The following ST6GALNAC5 variants were observed in gnomAD, a reference collection of about 807,000 sequenced individuals.
The protein encoded by ST6GALNAC5 is alpha-N-acetylgalactosaminide alpha-2,6-sialyltransferase 5.
A neutral mutation model predicts 33.6 loss-of-function variants in ST6GALNAC5; 27 were observed. The ratio of observed to expected loss-of-function variants is 0.80; its 90% CI spans 0.59 to 1.11. The LOEUF (loss-of-function observed/expected upper bound fraction) is 1.11. Ranked by LOEUF, ST6GALNAC5 falls within the 50% of genes least tolerant of loss-of-function variation. The pLI, the probability that ST6GALNAC5 is intolerant of heterozygous loss-of-function variation, is 0.00. For synonymous variants in ST6GALNAC5, 194 were observed against 171.2 expected (o/e 1.13, Z -1.04); for missense variants, 428 against 454.0 (o/e 0.94, Z 0.52).
chr1:76,926,717 G>A (rs902852333), intron 2 of ST6GALNAC5, among the ~76,000 whole-genome samples: 7 of 152,012 alleles, frequency 4.6e-5, no homozygotes, highest in African/African-American at 1.4e-4. Context: ...GGAATTAGTG[G>A]TTCAATTTTG....
intron 2 of ST6GALNAC5, among the ~76,000 whole-genome samples, chr1:76,982,611 T>C (rs1649302622): frequency 6.6e-6 from 1 of 152,184 alleles, no homozygotes; most frequent in Non-Finnish European, 1.5e-5. Context: ...CCAGGAGAAC[T>C]TCCCTAACCT....
intron 2 of ST6GALNAC5, among the ~76,000 whole-genome samples, chr1:76,956,859 A>G (rs2100344570): frequency 6.6e-6 from 1 of 152,264 alleles, no homozygotes; most frequent in African/African-American, 2.4e-5. Context: ...GGTGTTTAAC[A>G]TGGGGTTGGG....
intron 2 of ST6GALNAC5, among the ~76,000 whole-genome samples, chr1:76,904,995 CAG>C (rs2100271028): frequency 6.6e-6 from 1 of 152,190 alleles, no homozygotes; most frequent in Non-Finnish European, 1.5e-5. Context: ...GGGGTGTTGA[CAG>C]TGTTCTGTTT....
chr1:77,029,486 A>C (rs187164830), intron 2 of ST6GALNAC5, among the ~76,000 whole-genome samples: 33 of 152,246 alleles, frequency 2.2e-4, no homozygotes, highest in African/African-American at 7.9e-4. Flanking sequence ...AGGGAAAGAG[A>C]GTGGAGAAGA....
intron 2 of ST6GALNAC5, among the ~76,000 whole-genome samples, chr1:76,934,756 C>A (rs1197694145): frequency 1.3e-5 from 2 of 151,786 alleles, no homozygotes; most frequent in Non-Finnish European, 2.9e-5. Flanking sequence ...AAATGGGAAG[C>A]CTTTGCTAGT....
intron 2 of ST6GALNAC5, among the ~76,000 whole-genome samples, chr1:76,965,216 C>CA (rs1553168900): frequency 3.4e-4 from 13 of 38,406 alleles, no homozygotes; most frequent in Non-Finnish European, 5.2e-4. Flanking sequence ...TAGTTTACCA[C>CA]CCCCCCCACC....
chr1:76,885,192 T>G (rs1363952948), intron 2 of ST6GALNAC5, among the ~76,000 whole-genome samples: 1 of 152,196 alleles, frequency 6.6e-6, no homozygotes, highest in Non-Finnish European at 1.5e-5. Context: ...TGGAATGACT[T>G]CTCTCTGGAA....
chr1:76,868,567 T>G lies in ST6GALNAC5; in HGVS notation c.86T>G (p.Leu29Arg). ...AGCTTGTTGCTAGTGTACAGCAGCC[T>G]CGGCGGCCAGAAGGAGCGGCCCCCG... ...CTSLLLVYSS[L>R]GGQKERPPQQ... is the part of the protein sequence containing the mutation. Residue 29 changes from leucine (L) to arginine (R), a missense_variant, in exon 2 of 5, where the codon CTC (leucine) becomes CGC (arginine). Coordinates refer to ENST00000477717, the MANE Select transcript of ST6GALNAC5 (RefSeq NM_030965.3). This position sits in a 1 kb window ranked among gnomAD's most constrained non-coding sequence, Gnocchi z 4.3. The G allele has an allele frequency of 6.2e-7, 1 of 1,613,116 alleles. No homozygotes were observed. Among genetic ancestry groups the G allele is most frequent in the Non-Finnish European group, 8.5e-7 (1 of 1,179,590 alleles).
chr1:76,899,461 G>A lies in ST6GALNAC5; in HGVS notation c.261+30719G>A, dbSNP rs148193173. Among the ~76,000 whole-genome samples the A allele has an allele frequency of 8.3e-3, 1,260 of 152,152 alleles. 13 individuals are homozygous for A. Among genetic ancestry groups the A allele is most frequent in the African/African-American group, 0.029 (1,201 of 41,488 alleles). ...TAAGAGGTCGGGGCACAGAAATAAC[G>A]GATGGGGGCACAGAGACAAGAGGTT... On this transcript the variant is annotated intron_variant, in intron 2 of 4. Transcript: ENST00000477717.
chr1:77,060,507 G>A (rs1268337170), intron 4 of ST6GALNAC5, among the ~76,000 whole-genome samples: 2 of 152,194 alleles, frequency 1.3e-5, no homozygotes, highest in Non-Finnish European at 2.9e-5. Context: ...AGCTGGGGTA[G>A]ATGTTCCTGC....
intron 2 of ST6GALNAC5, among the ~76,000 whole-genome samples, chr1:76,878,652 C>G (rs1225494449): frequency 1.3e-5 from 2 of 152,152 alleles, no homozygotes; most frequent in Non-Finnish European, 2.9e-5. Context: ...ATCCAGGCTC[C>G]CCTTCATTCA....
At chr1:76,977,409 A>G (rs1649054033) in intron 2 of ST6GALNAC5, among the ~76,000 whole-genome samples, 1 of 152,174 alleles carries the variant, frequency 6.6e-6, no homozygotes, top group Non-Finnish European at 1.5e-5. Flanking sequence ...GGACACCAGA[A>G]CTATTCTTCT....
chr1:77,003,427 G>A (rs1316173091), intron 2 of ST6GALNAC5, among the ~76,000 whole-genome samples: 2 of 150,190 alleles, frequency 1.3e-5, no homozygotes, highest in Non-Finnish European at 3.0e-5. Flanking sequence ...CACACTGATG[G>A]CTCTTGACTC....
At chr1:77,018,081 T>C (rs965721033) in intron 2 of ST6GALNAC5, among the ~76,000 whole-genome samples, 1 of 152,192 alleles carries the variant, frequency 6.6e-6, no homozygotes, top group African/African-American at 2.4e-5. Flanking sequence ...TGTTTCATTC[T>C]GAATGATGGA....
chr1:76,954,132 T>C (rs948169416), intron 2 of ST6GALNAC5, among the ~76,000 whole-genome samples: 4 of 152,080 alleles, frequency 2.6e-5, no homozygotes, highest in African/African-American at 9.7e-5. Flanking sequence ...TTTACCTAAA[T>C]GCCCATCAGT....
intron 2 of ST6GALNAC5, among the ~76,000 whole-genome samples, chr1:76,988,575 C>A (rs1033610735): frequency 6.6e-6 from 1 of 151,922 alleles, no homozygotes; most frequent in African/African-American, 2.4e-5. Flanking sequence ...TCAATAATTT[C>A]TTTTCTGGTG....
chr1:77,034,788 C>A (rs1000812414), intron 2 of ST6GALNAC5, among the ~76,000 whole-genome samples: 9 of 152,172 alleles, frequency 5.9e-5, no homozygotes, highest in African/African-American at 2.2e-4. Context: ...TCCTTAAAAC[C>A]ACTTACACTT....
intron 2 of ST6GALNAC5, among the ~76,000 whole-genome samples, chr1:76,946,364 T>C (rs1369927320): frequency 6.6e-6 from 1 of 152,140 alleles, no homozygotes; most frequent in Non-Finnish European, 1.5e-5. Context: ...TGGTTGACTA[T>C]TGTATTTGAC....
At chr1:76,903,607 T>C (rs945056624) in intron 2 of ST6GALNAC5, among the ~76,000 whole-genome samples, 3 of 152,200 alleles carry the variant, frequency 2.0e-5, no homozygotes, top group Non-Finnish European at 2.9e-5. Flanking sequence ...ACAGCATTAT[T>C]CATAACAATC....
Sources: gnomAD v4.1 joint callset for allele counts (sites outside exome capture counted in the v4.1 genomes callset) on GRCh38, gnomAD v4.1.1 for gene constraint, Gnocchi (gnomAD v3.1) non-coding constraint, MANE v1.5 for transcripts, NCBI Gene and HGNC (gene_info 2026-07-23, HGNC 2026-07-21) for gene names.